Variants in NKAIN4 observed in about 807,000 individuals in gnomAD.
NKAIN4 encodes the protein sodium/potassium transporting ATPase interacting 4.
In NKAIN4, 28 loss-of-function variants were observed where a neutral mutation model predicts 28.8. The observed-to-expected ratio is 0.97, with a 90% CI of 0.72 to 1.33. NKAIN4 has a LOEUF of 1.33. Among genes scored for constraint, NKAIN4 ranks in the 40% most tolerant of loss-of-function variants. The pLI, the probability that NKAIN4 is intolerant of heterozygous loss-of-function variation, is 0.00. For missense variants in NKAIN4, 289 were observed against 277.2 expected (o/e 1.04, Z -0.30); for synonymous variants, 122 against 115.6 (o/e 1.06, Z -0.36).
Position 63,254,445 on chromosome 20 carries a change from G to A in NKAIN4, c.6C>T (p.Gly2=), listed in dbSNP as rs1219892327. Residue 2 remains glycine (G), a synonymous_variant, in exon 1 of 7, where the codon GGC becomes GGT. Transcript: ENST00000370316. ...CGAGCGCGCAGCGGCCGGAGCAGGAGCCCATGGTGCCCGCCTATACAGGAG... is the reference window on the plus strand; with the variant it reads ...CGAGCGCGCAGCGGCCGGAGCAGGAACCCATGGTGCCCGCCTATACAGGAG... M[G]SCSGRCALVV... 3.6e-6 allele frequency: 5 copies of A among 1,395,398 alleles called. No homozygotes were observed. Among genetic ancestry groups the A allele is most frequent in the Non-Finnish European group, 4.7e-6 (5 of 1,073,812 alleles). 86.4% of individuals were successfully genotyped at this position (1,395,398 alleles called of 1,614,324 possible). A position where few individuals can be genotyped will look rare whatever the true frequency, so the allele number is the denominator to read the frequency against.
In NKAIN4 at chr20:63,241,657, T is replaced by A; in HGVS notation, c.618-151A>T. On this transcript the variant is annotated intron_variant, in intron 6 of 6. Transcript: ENST00000370316. ...TTGGCAGAAAGGAGATGGGTGGGAC[T>A]GAGGCTCTGGAAAGCCCCCACTGCC... 12 of 742,542 alleles carry A rather than the reference T, an allele frequency of 1.6e-5. No homozygotes were observed. The South Asian group carries it at 1.8e-4, about 11-fold the overall frequency. The allele number at this position is 742,542 out of a possible 1,614,324, so 46.0% of individuals were successfully genotyped here. A position where few individuals can be genotyped will look rare whatever the true frequency, so the allele number is the denominator to read the frequency against.
intron 5 of NKAIN4, 151 bp from the exon 6 acceptor site, chr20:63,242,774 G>A (rs1601270800): frequency 3.5e-6 from 2 of 568,882 alleles, no homozygotes; most frequent in East Asian, 6.9e-5. Context: ...GAGGGAACAT[G>A]GCCTGGGGGG....
At position 63,252,466 on chromosome 20, in the gene NKAIN4, A is replaced by G. The variant is rs117851394; in HGVS notation, c.54+1931T>C. Among the ~76,000 whole-genome samples the G allele has an allele frequency of 0.063, 9,628 of 152,026 alleles. 400 individuals carry two copies. The highest frequency in any genetic ancestry group is 0.13 in the Middle Eastern group (38 of 294). ...ACACAAAATTCTCACACTTGTCAAA[A>G]AAAAAAAGGGGCTATCCAACAACCC... On this transcript the variant is annotated intron_variant, in intron 1 of 6. Coordinates refer to ENST00000370316, the MANE Select transcript of NKAIN4 (RefSeq NM_152864.4). This position sits in a 1 kb window ranked among gnomAD's most constrained non-coding sequence, Gnocchi z 4.6.
intron 2 of NKAIN4, 129 bp downstream of exon 2, chr20:63,249,806 G>T: frequency 2.1e-6 from 2 of 936,774 alleles, no homozygotes; most frequent in Non-Finnish European, 3.2e-6. Context: ...CTGAACCCAG[G>T]GGTCTGGGTT....
chr20:63,243,585 G>C (rs2066800843), intron 5 of NKAIN4, among the ~76,000 whole-genome samples: 1 of 152,210 alleles, frequency 6.6e-6, no homozygotes, highest in Admixed American at 6.5e-5. Context: ...AAGCTGACGG[G>C]CTGGCGAGCA....
chr20:63,242,747 G>A (rs114048853), intron 5 of NKAIN4, 124 bp from the exon 6 acceptor site: 5,770 of 415,034 alleles, frequency 0.014, 260 homozygotes, highest in African/African-American at 0.12. Flanking sequence ...AGTGCCCAAA[G>A]CCCTGACATG....
intron 4 of NKAIN4, chr20:63,246,619 C>A (rs1306880858): frequency 1.0e-6 from 1 of 985,216 alleles, no homozygotes; most frequent in Non-Finnish European, 1.2e-6. Flanking sequence ...CTGGAAGCCC[C>A]AGGTCCACCT....
At chr20:63,247,439 CAAGGGT>C in intron 4 of NKAIN4, 133 bp downstream of exon 4, 1 of 1,543,488 alleles carries the variant, frequency 6.5e-7, no homozygotes, top group Non-Finnish European at 8.7e-7. Flanking sequence ...ACCTCTCCAG[CAAGGGT>C]GGGGGATGAG....
At position 63,245,478 on chromosome 20, in the gene NKAIN4, C is replaced by T. The variant is rs2066839188; in HGVS notation, c.472-1394G>A. On this transcript the variant is annotated intron_variant, in intron 4 of 6. Transcript: ENST00000370316. This position sits in a 1 kb window ranked among gnomAD's most constrained non-coding sequence, Gnocchi z 4.7. Reference sequence around the variant, plus strand: ...GGACCTGCAGGCCACCTCTGTCCCACACCCCCATGCTCCCCGCCCTGCACA... The same window carrying T: ...GGACCTGCAGGCCACCTCTGTCCCATACCCCCATGCTCCCCGCCCTGCACA... 6.6e-6 allele frequency among the ~76,000 whole-genome samples: 1 copy of T among 152,098 alleles called. No homozygotes were observed. Among genetic ancestry groups the T allele is most frequent in the African/African-American group, 2.4e-5 (1 of 41,414 alleles).
At chr20:63,248,161 CGTCT>C (rs2066895973) in intron 3 of NKAIN4, 1 of 183,786 alleles carries the variant, frequency 5.4e-6, no homozygotes, top group Non-Finnish European at 1.1e-5. Context: ...AGCGGGGGCC[CGTCT>C]GCCTGGCTGG....
chr20:63,250,152 C>G, intron 1 of NKAIN4, 80 bp from the exon 2 acceptor site: 1 of 1,463,162 alleles, frequency 6.8e-7, no homozygotes, highest in Non-Finnish European at 9.1e-7. Flanking sequence ...GCCAAGGTGA[C>G]AGGATCTCAG....
chr20:63,243,408 G>A (rs1432974229), intron 5 of NKAIN4, among the ~76,000 whole-genome samples: 2 of 152,064 alleles, frequency 1.3e-5, no homozygotes, highest in African/African-American at 2.4e-5. Context: ...GGAGAGTTCT[G>A]TCCATAGGAA....
chr20:63,254,491 C>A, upstream of NKAIN4: 1 of 1,272,712 alleles, frequency 7.9e-7, no homozygotes, highest in Non-Finnish European at 1.0e-6. Context: ...GCCCCGCGCT[C>A]GGCCCCCGCC....
In NKAIN4 at chr20:63,241,264, C is replaced by CA; in HGVS notation, c.*232_*233insT. 2.2e-6 allele frequency: 1 copy of CA among 461,250 alleles called. No homozygotes were observed. The allele number at this position is 461,250 out of a possible 1,614,324, so 28.6% of individuals were successfully genotyped here. On this transcript the variant is annotated 3_prime_UTR_variant, in exon 7 of 7. Transcript: ENST00000370316. Reference sequence around the variant, plus strand: ...CCTTTTCTTTTGTATGTTTTCTTTTCTTTTTTTTTTTTAAGAGAAAGGAAA... The same window carrying CA: ...CCTTTTCTTTTGTATGTTTTCTTTTCATTTTTTTTTTTTAAGAGAAAGGAAA...
In NKAIN4 at chr20:63,245,009, A is replaced by T. The variant is rs2066830132; in HGVS notation, c.472-925T>A. The stretch of plus-strand genomic sequence containing the variant: ...TCTTCCTCCATAGACTTGGCCCAAC[A>T]GCCCCCCGTGAAGGCCACCGTGCCC... On this transcript the variant is annotated intron_variant, in intron 4 of 6. Transcript: ENST00000370316. The surrounding 1 kb of genome is among the most constrained non-coding windows in gnomAD (Gnocchi z 4.7). 6.6e-6 allele frequency among the ~76,000 whole-genome samples: 1 copy of T among 152,158 alleles called. No homozygotes were observed. The highest frequency in any genetic ancestry group is 6.5e-5 in the Admixed American group (1 of 15,278).
chr20:63,254,298 C>T, intron 1 of NKAIN4, 99 bp downstream of exon 1: 2 of 998,314 alleles, frequency 2.0e-6, no homozygotes, highest in South Asian at 2.1e-5. Context: ...CGGGACCCAG[C>T]GAACGGGCCC....
chr20:63,246,634 T>C, intron 4 of NKAIN4: 1 of 985,236 alleles, frequency 1.0e-6, no homozygotes, highest in South Asian at 4.7e-5. Flanking sequence ...CCACCTGGTG[T>C]GTTGCGTCGA....
intron 4 of NKAIN4, chr20:63,247,295 GAT>G: frequency 7.3e-7 from 1 of 1,370,002 alleles, no homozygotes; most frequent in Non-Finnish European, 9.5e-7. Flanking sequence ...GGCCTGATCC[GAT>G]TCCTTCCCAC....
In NKAIN4 at chr20:63,248,898, A is replaced by T; in HGVS notation, c.193-3T>A. ...CAGACGGCTGCCCACAGCGTGTACT[A>T]GGGAGAGGAGAGGATGGGGCGGCAG... On this transcript the variant is annotated splice_region_variant and splice_polypyrimidine_tract_variant and intron_variant, in intron 2 of 6. Coordinates refer to ENST00000370316, the MANE Select transcript of NKAIN4 (RefSeq NM_152864.4). 2 of 1,608,954 alleles carry T rather than the reference A, an allele frequency of 1.2e-6. No homozygotes were observed. Among genetic ancestry groups the T allele is most frequent in the Non-Finnish European group, 1.7e-6 (2 of 1,176,634 alleles).
Sources: allele counts gnomAD v4.1 joint callset (sites outside exome capture counted in the v4.1 genomes callset), GRCh38; gene constraint gnomAD v4.1.1; non-coding constraint Gnocchi (gnomAD v3.1); transcripts MANE v1.5; gene names NCBI Gene and HGNC (gene_info 2026-07-23, HGNC 2026-07-21).